The following CSN2 variants were observed in gnomAD, a reference collection of about 807,000 sequenced individuals.
CSN2 encodes beta-casein.
A neutral mutation model predicts 27.3 loss-of-function variants in CSN2; 27 were observed. That is an observed-to-expected ratio of 0.99 (90% CI 0.73 to 1.36). The LOEUF is 1.36. Ranked by LOEUF, CSN2 falls within the 40% of genes most tolerant of loss-of-function variation. The pLI is 0.00. For missense variants in CSN2, 333 were observed against 264.5 expected, an observed-to-expected ratio of 1.26 and a Z score of -1.80; for synonymous variants, 131 against 94.8, an observed-to-expected ratio of 1.38 and a Z score of -2.22.
At chr4:69,959,765 G>T (rs1342784090) in intron 3 of CSN2, among the ~76,000 whole-genome samples, 1 of 151,772 alleles carries the variant, frequency 6.6e-6, no homozygotes, top group African/African-American at 2.4e-5. Context: ...TATGCTTAAG[G>T]TGAATAAGTT....
rs759294340 is a variant in CSN2, at chr4:69,958,942, C to G, written c.111G>C (p.Glu37Asp). 1.3e-6 allele frequency: 2 copies of G among 1,598,530 alleles called. No individual in the cohort carries two copies. The highest frequency in any genetic ancestry group is 1.7e-6 in the Non-Finnish European group (2 of 1,169,404). The part of the protein sequence containing the change: ...ESITEYKQKV[E>D]KVKHEDQQQG... ...GCTGCTGGTCCTCATGTTTAACCTT[C>G]TCAACTTTCTGCTAAAGATATATCA... Residue 37 changes from glutamate (E) to aspartate (D), a missense_variant, in exon 5 of 8, where the codon GAG becomes GAC. Physicochemically the swap from Glu to Asp is conservative, Grantham distance 45 (BLOSUM62 2). Coordinates refer to ENST00000353151, the MANE Select transcript of CSN2 (RefSeq NM_001891.4).
chr4:69,961,526 T>A (rs963942777), intron 1 of CSN2, among the ~76,000 whole-genome samples: 3 of 152,118 alleles, frequency 2.0e-5, no homozygotes, highest in Non-Finnish European at 4.4e-5. Context: ...TTGACAAAAT[T>A]CAACAACACT....
At chr4:69,963,004 A>G (rs1723658080) in intron 1 of CSN2, among the ~76,000 whole-genome samples, 3 of 152,226 alleles carry the variant, frequency 2.0e-5, no homozygotes, top group Non-Finnish European at 4.4e-5. Context: ...ATCACTGGCC[A>G]TCAGAGAAAT....
At chr4:69,959,770 T>A (rs1185981381) in intron 3 of CSN2, among the ~76,000 whole-genome samples, 1 of 151,796 alleles carries the variant, frequency 6.6e-6, no homozygotes, top group Non-Finnish European at 1.5e-5. Flanking sequence ...TTAAGGTGAA[T>A]AAGTTCAGAG....
Position 69,960,113 on chromosome 4 carries a change from C to T in CSN2, c.52-34G>A, listed in dbSNP as rs780689524. The T allele has an allele frequency of 2.9e-5, 46 of 1,595,202 alleles. No homozygotes were observed. The South Asian group carries it at 5.1e-4, about 18-fold the overall frequency. The stretch of plus-strand genomic sequence containing the variant: ...AAAAAAAATTGACAACCAGCTAAAT[C>T]TTCTAGATCATTAGAGAATTTTACT... On this transcript the variant is annotated intron_variant, in intron 2 of 7. Coordinates refer to ENST00000353151, the MANE Select transcript of CSN2 (RefSeq NM_001891.4).
chr4:69,965,152 T>G (rs1401817718), intron 1 of CSN2, among the ~76,000 whole-genome samples: 1 of 151,310 alleles, frequency 6.6e-6, no homozygotes, highest in African/African-American at 2.4e-5. Context: ...ACAAGTTTGA[T>G]GAGTAAACTC....
chr4:69,960,258 T>C (rs1352261351), intron 2 of CSN2, among the ~76,000 whole-genome samples, 179 bp from the exon 3 acceptor site: 1 of 152,098 alleles, frequency 6.6e-6, no homozygotes, highest in African/African-American at 2.4e-5. Flanking sequence ...TTGTTAAACA[T>C]GCATCCTACT....
intron 3 of CSN2, among the ~76,000 whole-genome samples, chr4:69,959,819 C>T (rs1723513812): frequency 6.6e-6 from 1 of 150,702 alleles, no homozygotes; most frequent in Non-Finnish European, 1.5e-5. Context: ...CAATATGGTT[C>T]ATTAAAAAAA....
intron 3 of CSN2, among the ~76,000 whole-genome samples, chr4:69,959,394 A>G (rs993382300): frequency 1.2e-4 from 18 of 152,236 alleles, no homozygotes; most frequent in African/African-American, 4.3e-4. Context: ...ATATATTCTA[A>G]TAACAATTGA....
rs762131883 is a variant in CSN2 at position 69,960,998 on chromosome 4, C to A, written c.-3G>T. The A allele has an allele frequency of 3.1e-6, 5 of 1,611,542 alleles. No individual in the cohort carries two copies. The Admixed American group carries it at 8.4e-5, about 27-fold the overall frequency. ...CAGGCGAGGATGAGGACCTTCATGGCTACTAAGTCCTGTGAATGTAGAAAA... is the reference window on the plus strand; with the variant it reads ...CAGGCGAGGATGAGGACCTTCATGGATACTAAGTCCTGTGAATGTAGAAAA... On this transcript the variant is annotated 5_prime_UTR_variant, in exon 2 of 8. Transcript: ENST00000353151.
At chr4:69,959,936 G>T in intron 3 of CSN2, 117 bp downstream of exon 3, 1 of 822,224 alleles carries the variant, frequency 1.2e-6, no homozygotes, top group Admixed American at 2.3e-5. Flanking sequence ...AAAGAAATAT[G>T]TACTAGAACT....
chr4:69,965,495 A>ATTGCAATTTTTTT (rs371067824), intron 1 of CSN2, among the ~76,000 whole-genome samples, 186 bp downstream of exon 1: 1 of 141,720 alleles, frequency 7.1e-6, no homozygotes, highest in Admixed American at 7.2e-5. Flanking sequence ...GCTATATGTC[A>ATTGCAATTTTTTT]TTACCAAATT....
At chr4:69,961,431 C>T (rs560725789) in intron 1 of CSN2, among the ~76,000 whole-genome samples, 33 of 152,164 alleles carry the variant, frequency 2.2e-4, no homozygotes, top group Middle Eastern at 3.4e-3. Flanking sequence ...GTTCAACATA[C>T]GAAAATCAAT....
At chr4:69,955,995 G>A (rs2734570) in intron 7 of CSN2, among the ~76,000 whole-genome samples, 12,619 of 152,000 alleles carry the variant, frequency 0.083, 720 homozygotes, top group East Asian at 0.17. Context: ...AAGCTCAAAT[G>A]TATTTCCATA....
At chr4:69,962,082 G>A (rs1481221870) in intron 1 of CSN2, among the ~76,000 whole-genome samples, 3 of 152,148 alleles carry the variant, frequency 2.0e-5, no homozygotes, top group African/African-American at 7.2e-5. Flanking sequence ...GGAAATAAAA[G>A]AGGATACAAA....
At chr4:69,959,947 T>C in intron 3 of CSN2, 106 bp downstream of exon 3, 1 of 940,736 alleles carries the variant, frequency 1.1e-6, no homozygotes. Flanking sequence ...TACTAGAACT[T>C]ATATGTCATT....
chr4:69,963,130 T>A (rs528677521), intron 1 of CSN2, among the ~76,000 whole-genome samples: 15 of 152,158 alleles, frequency 9.9e-5, no homozygotes, highest in Non-Finnish European at 1.6e-4. Context: ...ACTTTTACAC[T>A]GTTGGTGGGA....
rs1285716532 is a variant in CSN2 at position 69,960,983 on chromosome 4, T to C, written c.13A>G (p.Ile5Val). 1.9e-6 allele frequency: 3 copies of C among 1,612,926 alleles called. No individual in the cohort carries two copies. Among genetic ancestry groups the C allele is most frequent in the Non-Finnish European group, 2.5e-6 (3 of 1,179,258 alleles). Residue 5 changes from isoleucine to valine, a missense_variant, in exon 2 of 8, where the codon ATC becomes GTC. Coordinates refer to ENST00000353151, the MANE Select transcript of CSN2 (RefSeq NM_001891.4). MKVL[I>V]LACLVALALA... ...GCAAGAGCCACCAGGCAGGCGAGGATGAGGACCTTCATGGCTACTAAGTCC... is the reference window on the plus strand; with the variant it reads ...GCAAGAGCCACCAGGCAGGCGAGGACGAGGACCTTCATGGCTACTAAGTCC...
intron 6 of CSN2, among the ~76,000 whole-genome samples, chr4:69,956,790 A>G (rs1723409934): frequency 6.6e-6 from 1 of 152,216 alleles, no homozygotes; most frequent in Admixed American, 6.6e-5. Context: ...TAATTAAACC[A>G]GAATTCATGC....
Sources: gnomAD v4.1 joint callset for allele counts (sites outside exome capture counted in the v4.1 genomes callset) on GRCh38, gnomAD v4.1.1 for gene constraint, MANE v1.5 for transcripts, NCBI Gene and HGNC (gene_info 2026-07-23, HGNC 2026-07-21) for gene names.